FER: variants seen among roughly 807,000 people sequenced by gnomAD.
FER encodes FER tyrosine kinase.
A neutral mutation model predicts 111.0 loss-of-function variants in FER; 63 were observed. That is an observed-to-expected ratio of 0.57 (90% confidence interval 0.46 to 0.70). The LOEUF is 0.70. Among genes scored for constraint, FER ranks in the 30% least tolerant of loss-of-function variants. The pLI is 0.00. For missense variants in FER, 914 were observed against 954.0 expected, an observed-to-expected ratio of 0.96 and a Z score of 0.55; for synonymous variants, 327 against 313.9, an observed-to-expected ratio of 1.04 and a Z score of -0.44.
At chr5:108,842,529 C>T (rs1015803360) in intron 5 of FER, 3 of 151,728 alleles carry the variant, frequency 2.0e-5, no homozygotes, top group African/African-American at 7.3e-5. Flanking sequence ...TACAACGAAT[C>T]AGTAAGAAAA....
intron 16 of FER, among the ~76,000 whole-genome samples, chr5:109,077,689 CT>C (rs1419559226): frequency 6.6e-6 from 1 of 152,112 alleles, no homozygotes; most frequent in Non-Finnish European, 1.5e-5. Context: ...GTTGACTTTC[CT>C]TTTTCCATAG....
intron 16 of FER, among the ~76,000 whole-genome samples, chr5:109,058,976 G>GT (rs1249641772): frequency 1.3e-5 from 2 of 151,638 alleles, no homozygotes; most frequent in Non-Finnish European, 2.9e-5. Flanking sequence ...CTGACCTCAG[G>GT]TAATACACCC....
chr5:108,843,569 C>T (rs550729995), intron 5 of FER, among the ~76,000 whole-genome samples: 6 of 146,856 alleles, frequency 4.1e-5, no homozygotes, highest in Admixed American at 2.7e-4. Context: ...CTCGCTCTGT[C>T]GCCAGGCTGG....
intron 13 of FER, among the ~76,000 whole-genome samples, chr5:109,023,454 T>C (rs1437803735): frequency 1.3e-5 from 2 of 152,092 alleles, no homozygotes; most frequent in Non-Finnish European, 2.9e-5. Flanking sequence ...AGGGGAACAA[T>C]GTGGACTCTC....
chr5:108,817,988 C>A (rs1256544276), intron 3 of FER: 1 of 152,070 alleles, frequency 6.6e-6, no homozygotes, highest in Non-Finnish European at 1.5e-5. Flanking sequence ...ATGCAATGAT[C>A]TCGTTTTTGG....
At chr5:108,992,879 G>A (rs1763424950) in intron 13 of FER, among the ~76,000 whole-genome samples, 1 of 151,428 alleles carries the variant, frequency 6.6e-6, no homozygotes, top group African/African-American at 2.4e-5. Flanking sequence ...GCCAGGCAGA[G>A]GCGCTCCTCA....
At chr5:109,095,722 C>T (rs1470341409) in intron 16 of FER, among the ~76,000 whole-genome samples, 3 of 152,104 alleles carry the variant, frequency 2.0e-5, no homozygotes, top group African/African-American at 7.2e-5. Flanking sequence ...ATTCTCATCA[C>T]TGCTGGTTAA....
intron 16 of FER, among the ~76,000 whole-genome samples, chr5:109,093,880 C>G (rs1479448685): frequency 6.6e-6 from 1 of 152,000 alleles, no homozygotes; most frequent in East Asian, 1.9e-4. Flanking sequence ...TGGGGGGTTT[C>G]GAGCCAACAT....
intron 10 of FER, among the ~76,000 whole-genome samples, chr5:108,937,781 A>G (rs898743952): frequency 6.6e-6 from 1 of 151,842 alleles, no homozygotes; most frequent in African/African-American, 2.4e-5. Context: ...TGGTTTCCTA[A>G]GACCATCTGC....
At chr5:108,923,348 A>C (rs536235273) in intron 10 of FER, among the ~76,000 whole-genome samples, 2 of 151,850 alleles carry the variant, frequency 1.3e-5, no homozygotes, top group Middle Eastern at 3.4e-3. Flanking sequence ...AAATTAAAAA[A>C]TTTTTTTTTG....
At chr5:108,748,411 C>G (rs982150567) in intron 1 of FER, 2 of 152,298 alleles carry the variant, frequency 1.3e-5, no homozygotes, top group Non-Finnish European at 2.9e-5. Context: ...TTCCGGCTGC[C>G]GACCCGCCGA....
At chr5:109,062,815 G>A (rs72792510) in intron 16 of FER, among the ~76,000 whole-genome samples, 4,528 of 152,112 alleles carry the variant, frequency 0.03, 107 homozygotes, top group Non-Finnish European at 0.047. Context: ...TTCTTTTTGA[G>A]TTCAGAACTT....
chr5:109,163,459 C>T (rs1756213945), intron 17 of FER, among the ~76,000 whole-genome samples: 1 of 152,118 alleles, frequency 6.6e-6, no homozygotes, highest in Non-Finnish European at 1.5e-5. Flanking sequence ...TAAGAAACTA[C>T]AAAACTGTTT....
At chr5:108,863,737 G>C (rs952919336) in intron 5 of FER, among the ~76,000 whole-genome samples, 1 of 151,868 alleles carries the variant, frequency 6.6e-6, no homozygotes, top group African/African-American at 2.4e-5. Context: ...AAATAGATTA[G>C]AATTTTTGAA....
At chr5:108,901,393 G>C (rs1749994550) in intron 10 of FER, among the ~76,000 whole-genome samples, 2 of 152,000 alleles carry the variant, frequency 1.3e-5, no homozygotes, top group South Asian at 2.1e-4. Flanking sequence ...TAAAGACAGA[G>C]GCCATCAAGA....
intron 17 of FER, among the ~76,000 whole-genome samples, chr5:109,108,848 G>A (rs1749262315): frequency 6.6e-6 from 1 of 152,172 alleles, no homozygotes; most frequent in African/African-American, 2.4e-5. Context: ...CAGGATTGGA[G>A]CAATCAACAT....
intron 13 of FER, among the ~76,000 whole-genome samples, chr5:108,975,177 TCACTCATAA>T (rs1761170751): frequency 1.3e-5 from 2 of 152,156 alleles, no homozygotes; most frequent in Non-Finnish European, 2.9e-5. Context: ...CTGCATGTTC[TCACTCATAA>T]GTGGGAGTTG....
chr5:108,953,548 A>G (rs1210186450), intron 11 of FER, among the ~76,000 whole-genome samples: 1 of 151,892 alleles, frequency 6.6e-6, no homozygotes, highest in East Asian at 1.9e-4. Context: ...TTTAACCAAC[A>G]GAATGAGTTT....
intron 13 of FER, among the ~76,000 whole-genome samples, chr5:108,977,309 T>A (rs1761484633): frequency 6.6e-6 from 1 of 152,238 alleles, no homozygotes; most frequent in South Asian, 2.1e-4. Flanking sequence ...TTTATGTATA[T>A]TTTATGGTAG....
Sources: gnomAD v4.1 joint callset for allele counts (sites outside exome capture counted in the v4.1 genomes callset) on GRCh38, gnomAD v4.1.1 for gene constraint, MANE v1.5 for transcripts, NCBI Gene and HGNC (gene_info 2026-07-23, HGNC 2026-07-21) for gene names.